GPR143: variants seen among roughly 807,000 people sequenced by gnomAD.
GPR143 encodes the protein G-protein coupled receptor 143.
A neutral mutation model predicts 27.6 loss-of-function variants in GPR143; 8 were observed. That is an observed-to-expected ratio of 0.29 (90% confidence interval 0.17 to 0.52). GPR143 has a LOEUF of 0.52. Among genes scored for constraint, GPR143 ranks in the 20% least tolerant of loss-of-function variants. GPR143 has a pLI of 0.96. For synonymous variants in GPR143, 156 were observed against 153.2 expected, an observed-to-expected ratio of 1.02 and a Z score of -0.13; for missense variants, 303 against 343.1, an observed-to-expected ratio of 0.88 and a Z score of 0.92.
chrX:9,770,357 G>GAGAGAGAGAGA (rs1569127506), upstream of GPR143, among the ~76,000 whole-genome samples: 8 of 93,729 alleles, frequency 8.5e-5, no homozygotes, highest in African/African-American at 2.4e-4. Context: ...GAGAGAGAGA[G>GAGAGAGAGAGA]GAAGACCAGC....
Position 9,739,698 on chromosome X carries a change from C to A in GPR143, c.907G>T (p.Gly303Ter), listed in dbSNP as rs866294644. The A allele has an allele frequency of 8.5e-7, 1 of 1,173,200 alleles. No individual in the cohort carries two copies. The highest frequency in any genetic ancestry group is 3.1e-5 in the East Asian group (1 of 32,335). ...TAGAAGGCCAAAGACAAGAGAAATC[C>A]CTGGGCTGGATTCAGGATTCCCTGG... ...FIMGILNPAQ[G>*]FLLSLAFYGW... is the part of the protein sequence containing the mutation. Residue 303 changes from glycine to a stop codon, truncating the protein, a stop_gained, in exon 8 of 9, where the codon GGA (glycine) becomes TGA (stop). Coordinates refer to ENST00000467482, the MANE Select transcript of GPR143 (RefSeq NM_000273.3). LOFTEE classifies it high-confidence loss of function.
intron 3 of GPR143, among the ~76,000 whole-genome samples, chrX:9,756,093 G>T (rs921423774): frequency 8.9e-6 from 1 of 111,950 alleles, no homozygotes; most frequent in Non-Finnish European, 1.9e-5. Flanking sequence ...TTAGAGCGGG[G>T]ATCTACTGGG....
At position 9,732,116 on chromosome X, in the gene GPR143, G is replaced by GACTT. The variant is rs1336534213; in HGVS notation, c.1121-6280_1121-6277dup. Among the ~76,000 whole-genome samples, 6 of 111,950 alleles carry GACTT rather than the reference G, an allele frequency of 5.4e-5. No individual in the cohort carries two copies. In the East Asian group the frequency reaches 1.7e-3, roughly 31 times the overall value. On this transcript the variant is annotated intron_variant, in intron 8 of 8. Transcript: ENST00000467482. ...AGACAAAGATTATTGGATAAATGGGGACTTAAGAGAGAAACGGAACTGTGG... is the reference window on the plus strand; with the variant it reads ...AGACAAAGATTATTGGATAAATGGGGACTTACTTAAGAGAGAAACGGAACTGTGG...
In GPR143 at chrX:9,760,774, G is replaced by A. The variant is rs759324340; in HGVS notation, c.303C>T (p.Ser101=). The change falls in exon 2 of 9, where the codon AGC becomes AGT. Residue 101 remains serine (S), a synonymous_variant. Transcript: ENST00000467482. ...VWLGFPNFVD[S]VSDMNHTEIW... The stretch of plus-strand genomic sequence containing the variant: ...TTTCCGTGTGGTTCATATCCGAGAC[G>A]CTGTCAACAAAATTTGGGAATCCTA... 8.4e-6 allele frequency: 10 copies of A among 1,195,483 alleles called. No individual in the cohort carries two copies. The highest frequency in any genetic ancestry group is 5.3e-5 in the African/African-American group (3 of 56,976).
intron 6 of GPR143, among the ~76,000 whole-genome samples, 183 bp from the exon 7 acceptor site, chrX:9,741,638 G>C (rs907498493): frequency 9.0e-6 from 1 of 110,780 alleles, no homozygotes; most frequent in Non-Finnish European, 1.9e-5. Context: ...TGTAATCCCA[G>C]CACTTTGGGA....
At chrX:9,773,907 T>C (rs1166637449) in intron 1 of GPR143, among the ~76,000 whole-genome samples, 2 of 111,456 alleles carry the variant, frequency 1.8e-5, no homozygotes, top group Non-Finnish European at 1.9e-5. Flanking sequence ...ATACACTTCA[T>C]TGACAGCCAA....
At chrX:9,772,588 T>A (rs1262285894) in intron 1 of GPR143, among the ~76,000 whole-genome samples, 1 of 110,494 alleles carries the variant, frequency 9.1e-6, no homozygotes, top group Non-Finnish European at 1.9e-5. Context: ...GTGGGAGGAT[T>A]GCTTGAGCTC....
chrX:9,772,074 T>C lies in GPR143; in HGVS notation c.-2-11248A>G, dbSNP rs758168526. Among the ~76,000 whole-genome samples, 11 of 111,481 alleles carry C rather than the reference T, an allele frequency of 9.9e-5. No individual in the cohort carries two copies. In the South Asian group the frequency reaches 4.1e-3, roughly 42 times the overall value. On this transcript the variant is annotated intron_variant, in intron 1 of 7. Coordinates refer to the GPR143 transcript ENST00000447366. The stretch of plus-strand genomic sequence containing the variant: ...TCATTAGTCGGAGAATGGTGAGCAA[T>C]GTCCTTCCTCTTGGATTCTGATGTG...
At chrX:9,759,116 A>G (rs893369402) in intron 3 of GPR143, among the ~76,000 whole-genome samples, 3 of 111,574 alleles carry the variant, frequency 2.7e-5, no homozygotes, top group African/African-American at 9.8e-5. Flanking sequence ...CTGGGATTAC[A>G]GGCACAAGCC....
chrX:9,769,243 C>T (rs970479270), upstream of GPR143, among the ~76,000 whole-genome samples: 4 of 111,773 alleles, frequency 3.6e-5, no homozygotes, highest in Non-Finnish European at 7.5e-5. Context: ...TCCATTTTCA[C>T]AGTTTGGGCT....
intron 3 of GPR143, among the ~76,000 whole-genome samples, chrX:9,756,211 C>T (rs2083473448): frequency 9.0e-6 from 1 of 111,728 alleles, no homozygotes; most frequent in African/African-American, 3.3e-5. Context: ...TATCCACATG[C>T]AAAATAATGA....
upstream of GPR143, among the ~76,000 whole-genome samples, chrX:9,768,797 C>T (rs997509728): frequency 9.0e-6 from 1 of 110,902 alleles, no homozygotes; most frequent in East Asian, 2.8e-4. Context: ...CATGCCTCAG[C>T]CTCCTGAGCA....
At chrX:9,773,562 T>C (rs755149990) in intron 1 of GPR143, among the ~76,000 whole-genome samples, 4 of 110,738 alleles carry the variant, frequency 3.6e-5, no homozygotes, top group African/African-American at 9.9e-5. Context: ...ACAAACAAAA[T>C]TGACTCTTCA....
intron 1 of GPR143, among the ~76,000 whole-genome samples, chrX:9,764,361 G>A (rs1040740513): frequency 1.8e-5 from 2 of 111,218 alleles, no homozygotes; most frequent in Admixed American, 9.7e-5. Context: ...CCTAGAAAAC[G>A]GGCAGGATTT....
intron 8 of GPR143, chrX:9,738,651 C>CAACAAGAG: frequency 1.1e-5 from 3 of 262,348 alleles, no homozygotes; most frequent in African/African-American, 2.9e-5. Flanking sequence ...TTAGACGGGG[C>CAACAAGAG]TTCACTCTTG....
At chrX:9,747,062 C>T (rs1378661041) in intron 4 of GPR143, among the ~76,000 whole-genome samples, 2 of 105,142 alleles carry the variant, frequency 1.9e-5, no homozygotes, top group African/African-American at 3.5e-5. Flanking sequence ...ATGCAATACC[C>T]GTCTCCTCTT....
At chrX:9,728,812 C>CA (rs58497237) in intron 8 of GPR143, among the ~76,000 whole-genome samples, 17,134 of 104,800 alleles carry the variant, frequency 0.16, 1,854 homozygotes, top group African/African-American at 0.36. Flanking sequence ...GATCCCACCT[C>CA]AAAAAAAAAG....
chrX:9,740,387 C>A (rs975193370), intron 7 of GPR143, among the ~76,000 whole-genome samples: 1 of 112,393 alleles, frequency 8.9e-6, no homozygotes, highest in Admixed American at 9.4e-5. Context: ...ATTTCAAAAG[C>A]AATATAAATA....
chrX:9,749,857 T>A (rs1014297094), intron 3 of GPR143, among the ~76,000 whole-genome samples: 1 of 112,616 alleles, frequency 8.9e-6, no homozygotes, highest in African/African-American at 3.2e-5. Context: ...AACTGTCTCC[T>A]GAGCTCAAGC....
Sources: allele counts gnomAD v4.1 joint callset (sites outside exome capture counted in the v4.1 genomes callset), GRCh38; gene constraint gnomAD v4.1.1; transcripts MANE v1.5; gene names NCBI Gene and HGNC (gene_info 2026-07-23, HGNC 2026-07-21).